Variants in WWOX observed in about 807,000 individuals in gnomAD.
WWOX encodes the protein WW domain containing oxidoreductase, also known as WW domain-containing oxidoreductase.
A neutral mutation model predicts 46.2 loss-of-function variants in WWOX; 69 were observed. The observed-to-expected ratio is 1.49, with a 90% CI of 1.23 to 1.82. The LOEUF is 1.82. WWOX is among the 40% of genes most tolerant of loss of function. The pLI is 0.00. For synonymous variants in WWOX, 359 were observed against 202.6 expected (o/e 1.77, Z -6.56); for missense variants, 919 against 542.6 (o/e 1.69, Z -6.89).
At position 78,164,307 on chromosome 16, in the gene WWOX, G is replaced by A. The variant is rs2034899627; in HGVS notation, c.516+18G>A. 6.2e-7 allele frequency: 1 copy of A among 1,610,440 alleles called. No individual in the cohort carries two copies. The highest frequency in any genetic ancestry group is 1.3e-5 in the African/African-American group (1 of 74,824). On this transcript the variant is annotated intron_variant, in intron 5 of 8. Transcript: ENST00000566780. ...AAGAATGGGTAAGTGCTTGACTGTT[G>A]TTGTTTTTTTTAATTGTCAAATACA...
intron 8 of WWOX, among the ~76,000 whole-genome samples, chr16:79,018,345 C>G (rs958986547): frequency 6.6e-6 from 1 of 152,112 alleles, no homozygotes; most frequent in Admixed American, 6.5e-5. Context: ...GGAGCCAAAG[C>G]CAAATAGTGC....
intron 8 of WWOX, among the ~76,000 whole-genome samples, chr16:78,981,474 G>T (rs1375967931): frequency 2.0e-5 from 3 of 149,724 alleles, no homozygotes; most frequent in Admixed American, 2.0e-4. Flanking sequence ...GTCTTGCTCT[G>T]TCATCCAGGC....
At chr16:78,895,312 C>G (rs1423199459) in intron 8 of WWOX, 1 of 152,142 alleles carries the variant, frequency 6.6e-6, no homozygotes, top group Non-Finnish European at 1.5e-5. Flanking sequence ...AAGAAAATAA[C>G]TTAAGTTTCT....
At chr16:79,030,051 A>G (rs1426889890) in intron 8 of WWOX, among the ~76,000 whole-genome samples, 1 of 152,194 alleles carries the variant, frequency 6.6e-6, no homozygotes, top group African/African-American at 2.4e-5. Flanking sequence ...GGTTTCTGAC[A>G]TTGTATGACC....
chr16:78,256,362 C>A (rs74027961), intron 5 of WWOX, among the ~76,000 whole-genome samples: 1 of 151,868 alleles, frequency 6.6e-6, no homozygotes, highest in Non-Finnish European at 1.5e-5. Flanking sequence ...TCTACCGCTT[C>A]ACTTCTCACT....
At chr16:78,304,872 T>C (rs891371029) in intron 5 of WWOX, among the ~76,000 whole-genome samples, 18 of 152,210 alleles carry the variant, frequency 1.2e-4, no homozygotes, top group Non-Finnish European at 2.1e-4. Context: ...CACATTTCGC[T>C]AGCATTGGGA....
chr16:78,624,330 T>C (rs999405706), intron 8 of WWOX, among the ~76,000 whole-genome samples: 1 of 152,124 alleles, frequency 6.6e-6, no homozygotes, highest in Non-Finnish European at 1.5e-5. Flanking sequence ...TCTGCCTCCT[T>C]TGCTAACCAA....
At chr16:78,272,356 C>T (rs1390241344) in intron 5 of WWOX, among the ~76,000 whole-genome samples, 1 of 152,162 alleles carries the variant, frequency 6.6e-6, no homozygotes, top group Non-Finnish European at 1.5e-5. Context: ...TCCTGCATGG[C>T]AGATATAGGG....
At chr16:78,794,393 C>A (rs943539213) in intron 8 of WWOX, among the ~76,000 whole-genome samples, 2 of 151,910 alleles carry the variant, frequency 1.3e-5, no homozygotes, top group African/African-American at 4.8e-5. Flanking sequence ...AACAAATAAA[C>A]AAAAAACAAA....
intron 8 of WWOX, among the ~76,000 whole-genome samples, chr16:78,572,509 G>C (rs921055544): frequency 2.6e-5 from 4 of 151,018 alleles, no homozygotes; most frequent in Non-Finnish European, 5.9e-5. Context: ...AGACTGAGGA[G>C]GGAGGACCTC....
At chr16:78,206,040 C>A (rs1356019407) in intron 5 of WWOX, among the ~76,000 whole-genome samples, 1 of 151,634 alleles carries the variant, frequency 6.6e-6, no homozygotes, top group Non-Finnish European at 1.5e-5. Context: ...TTCACCATTG[C>A]ATTGTGTTTA....
chr16:78,512,605 G>T (rs556096995), intron 8 of WWOX, among the ~76,000 whole-genome samples: 42 of 152,314 alleles, frequency 2.8e-4, no homozygotes, highest in South Asian at 2.5e-3. Context: ...TAGGACTTGA[G>T]TCCCCTACTA....
chr16:78,167,288 T>G (rs2035005205), intron 5 of WWOX: 1 of 152,214 alleles, frequency 6.6e-6, no homozygotes, highest in African/African-American at 2.4e-5. Flanking sequence ...TGGAGCCTGT[T>G]TCCTCATCTT....
chr16:78,282,667 G>T (rs1274964042), intron 5 of WWOX, among the ~76,000 whole-genome samples: 29 of 152,084 alleles, frequency 1.9e-4, no homozygotes, highest in Admixed American at 1.9e-3. Flanking sequence ...ACAAGGTCAG[G>T]AGATTGAGGC....
rs34322106 is a variant in WWOX, at chr16:78,228,339, C to CT, written c.516+64071dup. 1.0e-2 allele frequency among the ~76,000 whole-genome samples: 1,109 copies of CT among 111,288 alleles called. 26 individuals are homozygous for CT. The highest frequency in any genetic ancestry group is 0.03 in the African/African-American group (915 of 30,062). The allele number at this position is 111,288 out of a possible 152,430, so 73.0% of individuals were successfully genotyped here. A position where few individuals can be genotyped will look rare whatever the true frequency, so the allele number is the denominator to read the frequency against. On this transcript the variant is annotated intron_variant, in intron 5 of 8. Transcript: ENST00000566780. ...TGAGTCAATAGGAATCATATTCTCTCTTTTTTTTTTTTTTTTTTTTTGGAG... is the reference window on the plus strand; with the variant it reads ...TGAGTCAATAGGAATCATATTCTCTCTTTTTTTTTTTTTTTTTTTTTTGGAG...
chr16:79,035,686 G>GC (rs1427924262), intron 8 of WWOX, among the ~76,000 whole-genome samples: 1 of 152,138 alleles, frequency 6.6e-6, no homozygotes, highest in Non-Finnish European at 1.5e-5. Flanking sequence ...GTACAAGTGT[G>GC]CACCACCATG....
intron 8 of WWOX, among the ~76,000 whole-genome samples, chr16:78,634,767 G>T (rs923440005): frequency 2.0e-5 from 3 of 151,012 alleles, no homozygotes; most frequent in Non-Finnish European, 4.4e-5. Flanking sequence ...CATCTGGACG[G>T]AATGAAGCTG....
At chr16:79,189,623 A>G (rs1461511181) in intron 8 of WWOX, among the ~76,000 whole-genome samples, 1 of 152,066 alleles carries the variant, frequency 6.6e-6, no homozygotes, top group Non-Finnish European at 1.5e-5. Context: ...TTTTTGAGGA[A>G]TAATTATTTC....
intron 8 of WWOX, among the ~76,000 whole-genome samples, chr16:78,876,370 C>G (rs1264233298): frequency 6.6e-6 from 1 of 151,804 alleles, no homozygotes; most frequent in Non-Finnish European, 1.5e-5. Context: ...CTCTCCTTTC[C>G]TTTTGTGAAA....
Sources: allele counts gnomAD v4.1 joint callset (sites outside exome capture counted in the v4.1 genomes callset), GRCh38; gene constraint gnomAD v4.1.1; transcripts MANE v1.5; gene names NCBI Gene and HGNC (gene_info 2026-07-23, HGNC 2026-07-21).